Variants in RCL1 observed in about 807,000 individuals in gnomAD.
RCL1 encodes the protein RNA terminal phosphate cyclase like 1.
A neutral mutation model predicts 42.4 loss-of-function variants in RCL1; 24 were observed. The observed-to-expected ratio is 0.57, with a 90% CI of 0.41 to 0.80. The LOEUF is 0.80. Ranked by LOEUF, RCL1 falls within the 30% of genes least tolerant of loss-of-function variation. RCL1 has a pLI of 0.00. For synonymous variants in RCL1, 228 were observed against 177.3 expected (o/e 1.29, Z -2.27); for missense variants, 578 against 467.9 (o/e 1.24, Z -2.17).
intron 8 of RCL1, among the ~76,000 whole-genome samples, chr9:4,857,362 A>ATCTGG (rs1817996277): frequency 6.6e-6 from 1 of 151,970 alleles, no homozygotes; most frequent in Non-Finnish European, 1.5e-5. Flanking sequence ...ATCATACACT[A>ATCTGG]TCTGGTCCTT....
At chr9:4,839,119 G>C (rs1048953493) in intron 5 of RCL1, among the ~76,000 whole-genome samples, 2 of 152,170 alleles carry the variant, frequency 1.3e-5, no homozygotes, top group Non-Finnish European at 2.9e-5. Context: ...GGGGCTGTTA[G>C]CCATTCCTTA....
At chr9:4,821,758 A>T (rs1345779262) in intron 1 of RCL1, among the ~76,000 whole-genome samples, 2 of 152,108 alleles carry the variant, frequency 1.3e-5, no homozygotes, top group South Asian at 2.1e-4. Flanking sequence ...GGGACTACAG[A>T]TACACACCAT....
chr9:4,827,761 CGTGTGTGT>C lies in RCL1; in HGVS notation c.384+740_384+747del, dbSNP rs59604765. On this transcript the variant is annotated intron_variant, in intron 3 of 8. Coordinates refer to ENST00000381750, the MANE Select transcript of RCL1 (RefSeq NM_005772.5). ...GTGTGTGTGTGTGTGTGTGTGCACG[CGTGTGTGT>C]GTGTGTGTGTGAGAGAGAGAGAGAT... Among the ~76,000 whole-genome samples the C allele has an allele frequency of 5.9e-4, 87 of 147,670 alleles. 1 individual carries two copies. In the East Asian group the frequency reaches 0.013, roughly 22 times the overall value.
At chr9:4,816,166 T>C (rs1054039389) in intron 1 of RCL1, among the ~76,000 whole-genome samples, 1 of 152,220 alleles carries the variant, frequency 6.6e-6, no homozygotes, top group Non-Finnish European at 1.5e-5. Context: ...TTTTATGAAG[T>C]CTCCATTCAG....
At chr9:4,857,931 C>T (rs1201803935) in intron 8 of RCL1, among the ~76,000 whole-genome samples, 9 of 103,036 alleles carry the variant, frequency 8.7e-5, no homozygotes, top group African/African-American at 1.6e-4. Context: ...AGCTCTCCCA[C>T]TTTTTTTTTT....
At chr9:4,807,515 T>C (rs1054620114) in intron 1 of RCL1, among the ~76,000 whole-genome samples, 3 of 152,120 alleles carry the variant, frequency 2.0e-5, no homozygotes, top group Non-Finnish European at 4.4e-5. Flanking sequence ...TGACCTATGG[T>C]TATTTTTATT....
chr9:4,826,319 G>A (rs544917916), intron 2 of RCL1, among the ~76,000 whole-genome samples: 13 of 152,234 alleles, frequency 8.5e-5, no homozygotes, highest in South Asian at 4.1e-4. Context: ...CACTAAAGCC[G>A]TAAAATAATA....
intron 1 of RCL1, among the ~76,000 whole-genome samples, chr9:4,797,558 T>C (rs1220558791): frequency 6.6e-6 from 1 of 152,200 alleles, no homozygotes; most frequent in African/African-American, 2.4e-5. Flanking sequence ...GCTACTGGCC[T>C]CTAGTGGTTA....
chr9:4,817,542 T>C (rs1816426405), intron 1 of RCL1, among the ~76,000 whole-genome samples: 2 of 151,894 alleles, frequency 1.3e-5, no homozygotes, highest in South Asian at 2.1e-4. Context: ...GGCTCCATCA[T>C]GGCTCACTTC....
chr9:4,846,931 G>A (rs1649252555), intron 7 of RCL1, among the ~76,000 whole-genome samples: 1 of 145,062 alleles, frequency 6.9e-6, no homozygotes, highest in African/African-American at 2.6e-5. Flanking sequence ...TCTTTCCCAG[G>A]CTGGAGTGCA....
chr9:4,832,297 G>A (rs1199974460), intron 3 of RCL1, among the ~76,000 whole-genome samples: 2 of 152,074 alleles, frequency 1.3e-5, no homozygotes, highest in Non-Finnish European at 1.5e-5. Flanking sequence ...GTTTGAGGCT[G>A]TCATCACCCC....
intron 1 of RCL1, among the ~76,000 whole-genome samples, chr9:4,808,016 T>C (rs958501394): frequency 1.3e-5 from 2 of 152,290 alleles, no homozygotes; most frequent in South Asian, 2.1e-4. Context: ...AGAACAAATA[T>C]ATGTTCTTCT....
intron 3 of RCL1, among the ~76,000 whole-genome samples, chr9:4,827,823 G>A (rs1228319656): frequency 1.3e-5 from 2 of 151,438 alleles, no homozygotes; most frequent in Non-Finnish European, 2.9e-5. Context: ...TCCTGTCCAG[G>A]CCTCCCTCCC....
intron 2 of RCL1, among the ~76,000 whole-genome samples, chr9:4,825,277 G>T (rs412457): frequency 6.6e-6 from 1 of 152,122 alleles, no homozygotes; most frequent in Non-Finnish European, 1.5e-5. Flanking sequence ...TTAATTTTCC[G>T]CATCAGAGTA....
chr9:4,823,199 A>C, intron 1 of RCL1, among the ~76,000 whole-genome samples: 1 of 151,704 alleles, frequency 6.6e-6, no homozygotes. Flanking sequence ...GTTATTTGGC[A>C]TGTCCTCCTG....
Position 4,826,883 on chromosome 9 carries a change from C to T in RCL1, c.234C>T (p.Gly78=), listed in dbSNP as rs752046413. The T allele has an allele frequency of 6.2e-7, 1 of 1,613,814 alleles. No individual in the cohort carries two copies. Among genetic ancestry groups the T allele is most frequent in the Non-Finnish European group, 8.5e-7 (1 of 1,179,864 alleles). Residue 78 remains glycine, a synonymous_variant, in exon 3 of 9, where the codon GGC becomes GGT. Transcript: ENST00000381750. ...GAACAACCTTATATTATCAGCCTGG[C>T]CTCCTGTATGGTGGATCTGTGGAAC... The part of the protein sequence containing the change: ...QTGTTLYYQP[G]LLYGGSVEHD...
intron 1 of RCL1, among the ~76,000 whole-genome samples, chr9:4,793,754 G>C (rs958338014): frequency 6.6e-6 from 1 of 152,170 alleles, no homozygotes; most frequent in Non-Finnish European, 1.5e-5. Context: ...TTGTCCTTGG[G>C]TGTGGATAAA....
At chr9:4,803,115 A>G (rs1843033842) in intron 1 of RCL1, among the ~76,000 whole-genome samples, 1 of 151,952 alleles carries the variant, frequency 6.6e-6, no homozygotes, top group African/African-American at 2.4e-5. Context: ...CCAAAGCGTC[A>G]GAATTACAGG....
At chr9:4,853,924 C>G (rs368273171) in intron 8 of RCL1, among the ~76,000 whole-genome samples, 1 of 152,122 alleles carries the variant, frequency 6.6e-6, no homozygotes, top group African/African-American at 2.4e-5. Context: ...AAGCTCAGCC[C>G]TCTGAAGAAC....
Sources: gnomAD v4.1 joint callset for allele counts (sites outside exome capture counted in the v4.1 genomes callset) on GRCh38, gnomAD v4.1.1 for gene constraint, MANE v1.5 for transcripts, NCBI Gene and HGNC (gene_info 2026-07-23, HGNC 2026-07-21) for gene names.